CDK14: variants seen among roughly 807,000 people sequenced by gnomAD.
The protein encoded by CDK14 is cyclin-dependent kinase 14.
A neutral mutation model predicts 60.7 loss-of-function variants in CDK14; 34 were observed. The observed-to-expected ratio is 0.56, with a 90% CI of 0.43 to 0.75. The LOEUF is 0.75. Ranked by LOEUF, CDK14 falls within the 30% of genes least tolerant of loss-of-function variation. The pLI, the probability that CDK14 is intolerant of heterozygous loss-of-function variation, is 0.00. For missense variants in CDK14, 482 were observed against 564.1 expected (o/e 0.85, Z 1.47); for synonymous variants, 197 against 203.7 (o/e 0.97, Z 0.28).
chr7:90,927,609 A>G (rs1269296019), intron 8 of CDK14, among the ~76,000 whole-genome samples: 1 of 152,306 alleles, frequency 6.6e-6, no homozygotes, highest in African/African-American at 2.4e-5. Context: ...AAATATATAT[A>G]AAAGGTAAAA....
intron 14 of CDK14, among the ~76,000 whole-genome samples, chr7:91,131,889 C>T (rs1396893230): frequency 2.0e-5 from 3 of 152,124 alleles, no homozygotes; most frequent in African/African-American, 7.2e-5. Context: ...CCCATCTCCT[C>T]GCATGGCACA....
chr7:90,635,796 C>T (rs903132462), intron 2 of CDK14, among the ~76,000 whole-genome samples: 1 of 151,846 alleles, frequency 6.6e-6, no homozygotes, highest in African/African-American at 2.4e-5. Flanking sequence ...TGTTTGTATC[C>T]TCTTTTATTT....
At chr7:90,741,813 A>T (rs184009871) in intron 3 of CDK14, among the ~76,000 whole-genome samples, 227 of 152,272 alleles carry the variant, frequency 1.5e-3, no homozygotes, top group African/African-American at 5.1e-3. Flanking sequence ...ACAGGTTTCT[A>T]TAGAAATAAT....
At chr7:91,009,417 G>A (rs1796087434) in intron 10 of CDK14, among the ~76,000 whole-genome samples, 1 of 151,948 alleles carries the variant, frequency 6.6e-6, no homozygotes, top group Non-Finnish European at 1.5e-5. Flanking sequence ...CAATACGGTG[G>A]GTGTATGCTT....
intron 5 of CDK14, among the ~76,000 whole-genome samples, chr7:90,812,899 G>A (rs1481133833): frequency 6.6e-6 from 1 of 152,060 alleles, no homozygotes; most frequent in East Asian, 1.9e-4. Context: ...ATGACCCAGT[G>A]ACTTCACTCC....
At position 90,974,963 on chromosome 7, in the gene CDK14, A is replaced by G. The variant is rs144959321; in HGVS notation, c.948-9185A>G. ...TGCCATATCGCCATAACCCCTATCAATCATTTGGGCTATATTTTTAAAAGC... is the reference window on the plus strand; with the variant it reads ...TGCCATATCGCCATAACCCCTATCAGTCATTTGGGCTATATTTTTAAAAGC... On this transcript the variant is annotated intron_variant, in intron 9 of 14. Transcript: ENST00000380050. Among the ~76,000 whole-genome samples, 8 of 152,320 alleles carry G rather than the reference A, an allele frequency of 5.3e-5. No individual in the cohort carries two copies. In the East Asian group the frequency reaches 7.7e-4, roughly 15 times the overall value.
At position 90,811,815 on chromosome 7, in the gene CDK14, G is replaced by C. The variant is rs1237310017; in HGVS notation, c.544+21163G>C. On this transcript the variant is annotated intron_variant, in intron 5 of 14. Transcript: ENST00000380050. ...TCAAAAAGTGGGCGAAGGATATGAA[G>C]AGACACTTCTCAAAAGAAGACTTTT... 3.3e-5 allele frequency among the ~76,000 whole-genome samples: 5 copies of C among 152,256 alleles called. No homozygotes were observed. In the East Asian group the frequency reaches 9.6e-4, roughly 29 times the overall value.
intron 4 of CDK14, among the ~76,000 whole-genome samples, chr7:90,790,334 T>C (rs1477978022): frequency 6.6e-6 from 1 of 152,124 alleles, no homozygotes; most frequent in Non-Finnish European, 1.5e-5. Flanking sequence ...AGGAACACAG[T>C]GAATCACAGA....
At chr7:91,013,656 G>GGTTTTTTTTTTTTTTTT (rs1562868451) in intron 10 of CDK14, among the ~76,000 whole-genome samples, 1 of 123,384 alleles carries the variant, frequency 8.1e-6, no homozygotes, top group Admixed American at 8.4e-5. Flanking sequence ...CATTGCCTCT[G>GGTTTTTTTTTTTTTTTT]TTTTTTTTTT....
intron 10 of CDK14, among the ~76,000 whole-genome samples, chr7:91,005,076 A>G (rs1366869231): frequency 6.6e-6 from 1 of 152,178 alleles, no homozygotes; most frequent in African/African-American, 2.4e-5. Flanking sequence ...GATCTGGCCC[A>G]TAGCAGCAGG....
In CDK14 at chr7:91,177,524, C is replaced by G. The variant is rs1382682433; in HGVS notation, c.*29-29641C>G. On this transcript the variant is annotated intron_variant, in intron 14 of 14. Coordinates refer to ENST00000380050, the MANE Select transcript of CDK14 (RefSeq NM_001287135.2). Reference sequence around the variant, plus strand: ...AGGAAAAGAGGAAGTCAGATTGTCCCTGTTTGCAGACGACATGATTGTATA... The same window carrying G: ...AGGAAAAGAGGAAGTCAGATTGTCCGTGTTTGCAGACGACATGATTGTATA... 5.5e-4 allele frequency among the ~76,000 whole-genome samples: 84 copies of G among 152,186 alleles called. 1 individual carries two copies. The East Asian group carries it at 0.014, about 26-fold the overall frequency.
chr7:90,659,837 T>TTCTC (rs58582287), intron 2 of CDK14, among the ~76,000 whole-genome samples: 7,779 of 110,106 alleles, frequency 0.071, 326 homozygotes, highest in African/African-American at 0.11. Flanking sequence ...CAGGGAATGC[T>TTCTC]TCTCTCTCTC....
chr7:90,836,782 T>G (rs1343031528), intron 5 of CDK14, among the ~76,000 whole-genome samples: 1 of 152,106 alleles, frequency 6.6e-6, no homozygotes, highest in Non-Finnish European at 1.5e-5. Flanking sequence ...AACACAGGAG[T>G]AATGCATTGA....
At chr7:90,780,001 T>G (rs1312804513) in intron 4 of CDK14, among the ~76,000 whole-genome samples, 4 of 152,216 alleles carry the variant, frequency 2.6e-5, no homozygotes, top group Admixed American at 6.5e-5. Context: ...CAGATTAATT[T>G]CTCCTATAGA....
At chr7:91,068,075 C>T (rs1369104394) in intron 11 of CDK14, among the ~76,000 whole-genome samples, 1 of 152,158 alleles carries the variant, frequency 6.6e-6, no homozygotes, top group Non-Finnish European at 1.5e-5. Context: ...GAACTTCATA[C>T]AAAGAACTGT....
intron 8 of CDK14, among the ~76,000 whole-genome samples, chr7:90,951,429 C>T (rs750144428): frequency 6.6e-6 from 1 of 152,158 alleles, no homozygotes; most frequent in Non-Finnish European, 1.5e-5. Context: ...TTTGTTGACT[C>T]TGCAAATTCA....
chr7:90,701,151 C>T (rs1801777907), intron 2 of CDK14, among the ~76,000 whole-genome samples: 1 of 152,144 alleles, frequency 6.6e-6, no homozygotes, highest in Non-Finnish European at 1.5e-5. Context: ...AGGATCGGTG[C>T]AACAAACCAC....
chr7:90,892,594 T>C (rs977393201), intron 6 of CDK14, among the ~76,000 whole-genome samples: 2 of 152,186 alleles, frequency 1.3e-5, no homozygotes, highest in Admixed American at 6.5e-5. Context: ...CAAATCAATA[T>C]GGGAAACCCA....
At chr7:91,149,591 A>G (rs1800771504) in intron 14 of CDK14, among the ~76,000 whole-genome samples, 1 of 152,228 alleles carries the variant, frequency 6.6e-6, no homozygotes. Flanking sequence ...TCTGTTAGCA[A>G]TTTTAGGCTG....
Sources: gnomAD v4.1 joint callset for allele counts (sites outside exome capture counted in the v4.1 genomes callset) on GRCh38, gnomAD v4.1.1 for gene constraint, MANE v1.5 for transcripts, NCBI Gene and HGNC (gene_info 2026-07-23, HGNC 2026-07-21) for gene names.